The following ADARB2 variants were observed in gnomAD, a reference collection of about 807,000 sequenced individuals.
ADARB2 encodes inactive double-stranded RNA-specific editase B2.
A neutral mutation model predicts 62.2 loss-of-function variants in ADARB2; 25 were observed. That is an observed-to-expected ratio of 0.40 (90% CI 0.29 to 0.56). The LOEUF is 0.56. Among genes scored for constraint, ADARB2 ranks in the 20% least tolerant of loss-of-function variants. The pLI is 0.43. For synonymous variants in ADARB2, 572 were observed against 500.8 expected (o/e 1.14, Z -1.90); for missense variants, 1,071 against 1,077.4 (o/e 0.99, Z 0.08).
chr10:1,289,990 G>A (rs1300104431), intron 3 of ADARB2: 1 of 152,106 alleles, frequency 6.6e-6, no homozygotes, highest in African/African-American at 2.4e-5. Flanking sequence ...AACTTCCAGG[G>A]TTACAGACAT....
intron 3 of ADARB2, among the ~76,000 whole-genome samples, chr10:1,297,287 C>T (rs781107409): frequency 4.6e-5 from 7 of 152,214 alleles, no homozygotes; most frequent in Non-Finnish European, 8.8e-5. Flanking sequence ...CCCCGTCAGC[C>T]GTGGTTATGG....
chr10:1,517,708 G>A (rs1044855831), intron 1 of ADARB2, among the ~76,000 whole-genome samples: 17 of 152,170 alleles, frequency 1.1e-4, no homozygotes, highest in African/African-American at 3.6e-4. Flanking sequence ...TGGACCCAGC[G>A]ACTGTGAGAG....
rs536829160 is a variant in ADARB2, at chr10:1,426,691, T to C, written c.101-47531A>G. ...GAGACTCGGAGACCAGTGAACCTGC[T>C]TGCCACCCTGGGCAAGAGAGCCCAG... On this transcript the variant is annotated intron_variant, in intron 1 of 9. Transcript: ENST00000381312. The surrounding 1 kb of genome is among the most constrained non-coding windows in gnomAD (Gnocchi z 4.1). Among the ~76,000 whole-genome samples, 6 of 152,294 alleles carry C rather than the reference T, an allele frequency of 3.9e-5. No homozygotes were observed. In the East Asian group the frequency reaches 1.2e-3, roughly 30 times the overall value.
chr10:1,463,238 T>C (rs1364900889), intron 1 of ADARB2, among the ~76,000 whole-genome samples: 1 of 152,190 alleles, frequency 6.6e-6, no homozygotes, highest in African/African-American at 2.4e-5. Context: ...TGTTCAGCAG[T>C]GTTTCCTCTC....
chr10:1,246,200 T>C (rs1830984982), intron 4 of ADARB2, among the ~76,000 whole-genome samples: 1 of 152,050 alleles, frequency 6.6e-6, no homozygotes, highest in Admixed American at 6.6e-5. Flanking sequence ...ATTTTTCTTG[T>C]AAATTTGTTT....
chr10:1,247,696 C>T (rs1212660110), intron 4 of ADARB2, among the ~76,000 whole-genome samples: 1 of 152,192 alleles, frequency 6.6e-6, no homozygotes, highest in African/African-American at 2.4e-5. Context: ...ACGGCACCAA[C>T]CAGCATTCAG....
intron 3 of ADARB2, among the ~76,000 whole-genome samples, chr10:1,358,259 A>G (rs567752171): frequency 6.6e-6 from 1 of 152,264 alleles, no homozygotes; most frequent in African/African-American, 2.4e-5. Context: ...TCCTCTCACT[A>G]TGGTGTCTCT....
At chr10:1,476,468 A>G (rs1194216787) in intron 1 of ADARB2, among the ~76,000 whole-genome samples, 2 of 152,166 alleles carry the variant, frequency 1.3e-5, no homozygotes, top group African/African-American at 4.8e-5. Context: ...TTGGGGGATA[A>G]ATTCCAGGCT....
chr10:1,344,294 G>C (rs1276525376), intron 3 of ADARB2, among the ~76,000 whole-genome samples: 1 of 152,214 alleles, frequency 6.6e-6, no homozygotes, highest in Non-Finnish European at 1.5e-5. Flanking sequence ...CTCAGTCAAG[G>C]TCATGTGTGA....
intron 1 of ADARB2, among the ~76,000 whole-genome samples, chr10:1,456,663 C>T (rs1177395048): frequency 2.0e-5 from 3 of 152,124 alleles, no homozygotes; most frequent in Non-Finnish European, 4.4e-5. Context: ...ACGCGCGGGG[C>T]GTGGTAAAAA....
At chr10:1,431,976 G>A (rs973438371) in intron 1 of ADARB2, among the ~76,000 whole-genome samples, 1 of 152,094 alleles carries the variant, frequency 6.6e-6, no homozygotes, top group Admixed American at 6.5e-5. Flanking sequence ...AAATATTCAG[G>A]TTCAGCTCCC....
intron 1 of ADARB2, among the ~76,000 whole-genome samples, chr10:1,458,085 A>T (rs1466210647): frequency 6.6e-6 from 1 of 151,996 alleles, no homozygotes; most frequent in Non-Finnish European, 1.5e-5. Context: ...CACTCATGTG[A>T]CTTTTGGTTC....
intron 1 of ADARB2, among the ~76,000 whole-genome samples, chr10:1,602,061 C>T (rs1282939904): frequency 1.3e-5 from 2 of 152,154 alleles, no homozygotes; most frequent in Admixed American, 6.5e-5. Context: ...GTGCTGTGTG[C>T]AAACGGAGCA....
chr10:1,214,031 G>T (rs1029133017), intron 7 of ADARB2, among the ~76,000 whole-genome samples: 1 of 149,778 alleles, frequency 6.7e-6, no homozygotes, highest in Non-Finnish European at 1.5e-5. Flanking sequence ...TGTGTCCAGC[G>T]TTGTGTAGCT....
chr10:1,469,816 G>A (rs1337397001), intron 1 of ADARB2, among the ~76,000 whole-genome samples: 2 of 152,218 alleles, frequency 1.3e-5, no homozygotes, highest in Non-Finnish European at 2.9e-5. Context: ...TGGTAAAAGG[G>A]CTCCATGGCA....
chr10:1,364,018 G>T (rs1832290269), intron 2 of ADARB2, 101 bp from the exon 3 acceptor site: 2 of 1,369,996 alleles, frequency 1.5e-6, no homozygotes, highest in South Asian at 1.6e-5. Flanking sequence ...CGACCTCGCC[G>T]CCCGCGCCCC....
chr10:1,461,157 A>C (rs1287167114), intron 1 of ADARB2, among the ~76,000 whole-genome samples: 1 of 152,216 alleles, frequency 6.6e-6, no homozygotes, highest in Non-Finnish European at 1.5e-5. Context: ...TTTCAGCAAC[A>C]ACGTGACACT....
At chr10:1,566,056 A>G (rs1832857228) in intron 1 of ADARB2, among the ~76,000 whole-genome samples, 1 of 125,774 alleles carries the variant, frequency 8.0e-6, no homozygotes, top group Non-Finnish European at 1.6e-5. Context: ...GGTTGAGCTC[A>G]GTCTAGCAAA....
chr10:1,460,794 AGC>A lies in ADARB2; in HGVS notation c.101-81636_101-81635del, dbSNP rs1831163787. On this transcript the variant is annotated intron_variant, in intron 1 of 9. Transcript: ENST00000381312. Reference sequence around the variant, plus strand: ...GCCTGTGACCTGAGTTTACCTGTGTAGCAAACCTGTCTGTGACCTGAGTTTAC... The same window carrying A: ...GCCTGTGACCTGAGTTTACCTGTGTAAAACCTGTCTGTGACCTGAGTTTAC... Among the ~76,000 whole-genome samples, 10 of 111,036 alleles carry A rather than the reference AGC, an allele frequency of 9.0e-5. 3 individuals are homozygous for A. The highest frequency in any genetic ancestry group is 4.1e-4 in the African/African-American group (10 of 24,110). The allele number at this position is 111,036 out of a possible 152,430, so 72.8% of individuals were successfully genotyped here.
Sources: allele counts gnomAD v4.1 joint callset (sites outside exome capture counted in the v4.1 genomes callset), GRCh38; gene constraint gnomAD v4.1.1; non-coding constraint Gnocchi (gnomAD v3.1); transcripts MANE v1.5; gene names NCBI Gene and HGNC (gene_info 2026-07-23, HGNC 2026-07-21).